LUZP2: variants seen among roughly 807,000 people sequenced by gnomAD.
LUZP2 encodes leucine zipper protein 2.
In LUZP2, 52 loss-of-function variants were observed where a neutral mutation model predicts 51.6. The ratio of observed to expected loss-of-function variants is 1.01; its 90% CI spans 0.81 to 1.27. LUZP2 has a LOEUF of 1.27. Among genes scored for constraint, LUZP2 ranks in the 50% most tolerant of loss-of-function variants. The pLI, the probability that LUZP2 is intolerant of heterozygous loss-of-function variation, is 0.00. For synonymous variants in LUZP2, 154 were observed against 137.3 expected (o/e 1.12, Z -0.85); for missense variants, 436 against 395.4 (o/e 1.10, Z -0.87).
chr11:24,515,703 G>T (rs993569056), intron 1 of LUZP2, among the ~76,000 whole-genome samples: 1 of 152,094 alleles, frequency 6.6e-6, no homozygotes, highest in Non-Finnish European at 1.5e-5. Flanking sequence ...AATGTGAAAG[G>T]TGCTAAAATA....
chr11:24,941,829 A>G (rs563634527), intron 7 of LUZP2, among the ~76,000 whole-genome samples: 2 of 152,206 alleles, frequency 1.3e-5, no homozygotes, highest in African/African-American at 4.8e-5. Flanking sequence ...TTGAGTTTTG[A>G]TTAATATATA....
chr11:24,533,536 C>T (rs1000773046), intron 1 of LUZP2, among the ~76,000 whole-genome samples: 8 of 151,152 alleles, frequency 5.3e-5, no homozygotes, highest in East Asian at 1.9e-4. Context: ...TTTCTTCTGA[C>T]GTACTTTCAA....
intron 1 of LUZP2, among the ~76,000 whole-genome samples, chr11:24,608,759 T>A (rs1020101651): frequency 6.6e-6 from 1 of 152,208 alleles, no homozygotes; most frequent in African/African-American, 2.4e-5. Context: ...ATACAAACTA[T>A]AGACTTAAAT....
At chr11:24,970,131 A>G (rs1055767621) in intron 7 of LUZP2, among the ~76,000 whole-genome samples, 9 of 152,130 alleles carry the variant, frequency 5.9e-5, no homozygotes, top group East Asian at 1.9e-4. Context: ...ATCTTTGATA[A>G]TGAGAATTTT....
chr11:25,048,234 T>G (rs1172872876), intron 9 of LUZP2, among the ~76,000 whole-genome samples: 3 of 152,184 alleles, frequency 2.0e-5, no homozygotes, highest in African/African-American at 7.2e-5. Context: ...AGCCAACAAC[T>G]AAGTCTCATT....
At chr11:25,025,340 A>G (rs140812412) in intron 9 of LUZP2, among the ~76,000 whole-genome samples, 4,416 of 152,274 alleles carry the variant, frequency 0.029, 231 homozygotes, top group African/African-American at 0.1. Context: ...AAAAGAAACT[A>G]CCATCAGAGT....
intron 9 of LUZP2, among the ~76,000 whole-genome samples, chr11:25,036,009 C>T (rs977735172): frequency 6.6e-6 from 1 of 151,960 alleles, no homozygotes; most frequent in Non-Finnish European, 1.5e-5. Context: ...GGCCCTCCTC[C>T]CCAGCTTTTT....
chr11:25,051,209 C>T (rs1216578292), intron 10 of LUZP2, among the ~76,000 whole-genome samples: 4 of 151,932 alleles, frequency 2.6e-5, no homozygotes, highest in Admixed American at 1.3e-4. Context: ...CCCAACTACT[C>T]GGGAGGCTGA....
chr11:25,073,021 G>A (rs149572062), intron 10 of LUZP2, among the ~76,000 whole-genome samples: 7,964 of 152,106 alleles, frequency 0.052, 617 homozygotes, highest in African/African-American at 0.17. Flanking sequence ...AACAAAGACA[G>A]CACTTGACTT....
rs185825395 is a variant in LUZP2 at position 24,565,610 on chromosome 11, G to A, written c.62+68305G>A. Among the ~76,000 whole-genome samples the A allele has an allele frequency of 1.1e-4, 16 of 152,268 alleles. No individual in the cohort carries two copies. In the East Asian group the frequency reaches 2.9e-3, roughly 28 times the overall value. ...AATCTAGCTTTACTGAGTTAAAGCTGTGATTCCAAAGGTTTCACTGGTTGT... is the reference window on the plus strand; with the variant it reads ...AATCTAGCTTTACTGAGTTAAAGCTATGATTCCAAAGGTTTCACTGGTTGT... On this transcript the variant is annotated intron_variant, in intron 1 of 11. Transcript: ENST00000336930.
intron 9 of LUZP2, among the ~76,000 whole-genome samples, chr11:25,014,638 T>G (rs1857090567): frequency 6.6e-6 from 1 of 152,222 alleles, no homozygotes; most frequent in African/African-American, 2.4e-5. Context: ...TCATTGTAGA[T>G]TCTGGATATT....
At chr11:24,832,456 A>T (rs151130527) in intron 5 of LUZP2, among the ~76,000 whole-genome samples, 176 of 152,076 alleles carry the variant, frequency 1.2e-3, no homozygotes, top group East Asian at 4.8e-3. Context: ...GTTTTATTTT[A>T]AAAAAAGTTG....
chr11:24,769,294 G>A (rs1860312525), intron 5 of LUZP2, among the ~76,000 whole-genome samples: 1 of 152,158 alleles, frequency 6.6e-6, no homozygotes, highest in Non-Finnish European at 1.5e-5. Context: ...AAGTTAGGTA[G>A]GAGAAATAAG....
At chr11:24,692,825 T>A (rs991271343) in intron 1 of LUZP2, among the ~76,000 whole-genome samples, 3 of 152,148 alleles carry the variant, frequency 2.0e-5, no homozygotes, top group Admixed American at 2.0e-4. Context: ...TACCTTAAAA[T>A]TCATAAAACA....
chr11:24,665,234 T>G (rs1856174281), intron 1 of LUZP2, among the ~76,000 whole-genome samples: 1 of 152,176 alleles, frequency 6.6e-6, no homozygotes, highest in Admixed American at 6.5e-5. Context: ...GCATGGAGCC[T>G]GTAAGCCCCT....
chr11:24,706,363 A>G (rs1312849266), intron 1 of LUZP2, among the ~76,000 whole-genome samples: 1 of 152,072 alleles, frequency 6.6e-6, no homozygotes, highest in African/African-American at 2.4e-5. Flanking sequence ...CTTGTCTTTC[A>G]CTTGTATTTT....
intron 10 of LUZP2, among the ~76,000 whole-genome samples, chr11:25,071,657 C>T (rs1050943412): frequency 5.3e-5 from 8 of 150,846 alleles, no homozygotes; most frequent in South Asian, 2.1e-4. Context: ...CATCACACAC[C>T]GGGGCCTGTC....
At chr11:25,028,338 C>G (rs368355285) in intron 9 of LUZP2, among the ~76,000 whole-genome samples, 18 of 152,132 alleles carry the variant, frequency 1.2e-4, no homozygotes, top group African/African-American at 4.3e-4. Flanking sequence ...ATACCCATTT[C>G]TCATCCCCAC....
At chr11:24,987,986 A>C (rs951959141) in intron 9 of LUZP2, among the ~76,000 whole-genome samples, 10 of 151,978 alleles carry the variant, frequency 6.6e-5, no homozygotes, top group Non-Finnish European at 1.2e-4. Flanking sequence ...CAAAAATCAC[A>C]GATGATTCTA....
Sources: gnomAD v4.1 joint callset for allele counts (sites outside exome capture counted in the v4.1 genomes callset) on GRCh38, gnomAD v4.1.1 for gene constraint, MANE v1.5 for transcripts, NCBI Gene and HGNC (gene_info 2026-07-23, HGNC 2026-07-21) for gene names.